The following CTNNA3 variants were observed in gnomAD, a reference collection of about 807,000 sequenced individuals.
CTNNA3 encodes catenin alpha-3.
Under a neutral mutation model 95.7 loss-of-function variants are expected in CTNNA3, and 76 were observed. That is an observed-to-expected ratio of 0.79 (90% confidence interval 0.66 to 0.96). The LOEUF (loss-of-function observed/expected upper bound fraction) is 0.96. Ranked by LOEUF, CTNNA3 falls within the 40% of genes least tolerant of loss-of-function variation. The pLI is 0.00. For synonymous variants in CTNNA3, 431 were observed against 374.4 expected (o/e 1.15, Z -1.74); for missense variants, 1,191 against 1,089.8 (o/e 1.09, Z -1.31).
chr10:66,929,962 G>T (rs1190670613), intron 7 of CTNNA3, among the ~76,000 whole-genome samples: 2 of 152,092 alleles, frequency 1.3e-5, no homozygotes, highest in African/African-American at 4.8e-5. Context: ...CATTTAATTT[G>T]GCTTGCCAAC....
chr10:67,285,666 A>G (rs1839568705), intron 5 of CTNNA3, among the ~76,000 whole-genome samples: 1 of 152,254 alleles, frequency 6.6e-6, no homozygotes, highest in African/African-American at 2.4e-5. Flanking sequence ...GAGAAAATCC[A>G]TTCTATATAA....
At chr10:65,922,126 T>A (rs1301870043) in intron 17 of CTNNA3, among the ~76,000 whole-genome samples, 1 of 152,124 alleles carries the variant, frequency 6.6e-6, no homozygotes, top group East Asian at 1.9e-4. Flanking sequence ...CTACCTTGCG[T>A]TTTTTCTCAT....
At chr10:67,371,337 G>A (rs1317846020) in intron 5 of CTNNA3, among the ~76,000 whole-genome samples, 11 of 150,826 alleles carry the variant, frequency 7.3e-5, no homozygotes, top group South Asian at 6.3e-4. Context: ...CCATTAACTC[G>A]TCATTTACAT....
intron 7 of CTNNA3, among the ~76,000 whole-genome samples, chr10:67,109,441 G>C (rs1858806513): frequency 6.6e-6 from 1 of 152,080 alleles, no homozygotes; most frequent in African/African-American, 2.4e-5. Flanking sequence ...TTGTGCTTAT[G>C]GCACTTTTTA....
intron 13 of CTNNA3, among the ~76,000 whole-genome samples, chr10:66,270,490 G>A (rs1457459871): frequency 6.6e-6 from 1 of 152,156 alleles, no homozygotes; most frequent in Non-Finnish European, 1.5e-5. Flanking sequence ...ATAGATATAA[G>A]CCACTGTACC....
intron 7 of CTNNA3, among the ~76,000 whole-genome samples, chr10:66,853,854 AC>A (rs1040854720): frequency 6.6e-6 from 1 of 152,090 alleles, no homozygotes; most frequent in African/African-American, 2.4e-5. Flanking sequence ...TAAGTATGCT[AC>A]ATGCATTAGT....
At chr10:67,314,620 G>A (rs1019623297) in intron 5 of CTNNA3, among the ~76,000 whole-genome samples, 1 of 152,068 alleles carries the variant, frequency 6.6e-6, no homozygotes, top group Non-Finnish European at 1.5e-5. Flanking sequence ...AGAGTAAAAT[G>A]TTCTGCATTT....
intron 5 of CTNNA3, among the ~76,000 whole-genome samples, chr10:67,487,552 T>C (rs564602210): frequency 2.0e-5 from 3 of 152,174 alleles, no homozygotes; most frequent in Non-Finnish European, 4.4e-5. Flanking sequence ...CAAGGACTAT[T>C]TTCAGGAACA....
intron 5 of CTNNA3, among the ~76,000 whole-genome samples, chr10:67,260,716 C>T (rs1404041854): frequency 3.3e-5 from 5 of 151,418 alleles, no homozygotes; most frequent in African/African-American, 4.9e-5. Context: ...TGGAGTTTCA[C>T]TCTTGTTGCC....
intron 1 of CTNNA3, among the ~76,000 whole-genome samples, chr10:67,709,760 C>A (rs1589577690): frequency 6.6e-6 from 1 of 152,054 alleles, no homozygotes; most frequent in East Asian, 1.9e-4. Flanking sequence ...ATGTTTCTTC[C>A]TGGTAATTTT....
chr10:67,175,591 C>T (rs777671831), intron 7 of CTNNA3, among the ~76,000 whole-genome samples: 8 of 152,098 alleles, frequency 5.3e-5, no homozygotes, highest in Non-Finnish European at 7.4e-5. Context: ...GATGAGAGGT[C>T]CAGAAATGCA....
chr10:65,927,553 T>C (rs960260791), intron 17 of CTNNA3, among the ~76,000 whole-genome samples: 6 of 152,196 alleles, frequency 3.9e-5, no homozygotes, highest in East Asian at 1.9e-4. Flanking sequence ...TGGAATTCTA[T>C]GGTATGTAAT....
At chr10:67,080,093 C>T (rs1856972904) in intron 7 of CTNNA3, among the ~76,000 whole-genome samples, 1 of 152,056 alleles carries the variant, frequency 6.6e-6, no homozygotes, top group Non-Finnish European at 1.5e-5. Flanking sequence ...GCAGGGAGGG[C>T]ATGGCAAGAA....
intron 5 of CTNNA3, among the ~76,000 whole-genome samples, chr10:67,479,560 C>A (rs1564678969): frequency 6.6e-6 from 1 of 151,988 alleles, no homozygotes; most frequent in South Asian, 2.1e-4. Flanking sequence ...AAAACAGAGA[C>A]ACAACATCCA....
At chr10:67,138,381 G>T (rs1299829943) in intron 7 of CTNNA3, among the ~76,000 whole-genome samples, 1 of 152,158 alleles carries the variant, frequency 6.6e-6, no homozygotes, top group Admixed American at 6.5e-5. Flanking sequence ...AAATCATACT[G>T]TTCAGTAGAT....
intron 12 of CTNNA3, among the ~76,000 whole-genome samples, chr10:66,360,620 TTTC>T (rs2092648742): frequency 5.7e-5 from 2 of 35,168 alleles, no homozygotes; most frequent in Non-Finnish European, 1.2e-4. Context: ...TCTTTCTTTC[TTTC>T]TTTCTTTCTT....
chr10:67,118,707 A>G (rs1326333342), intron 7 of CTNNA3, among the ~76,000 whole-genome samples: 1 of 151,874 alleles, frequency 6.6e-6, no homozygotes, highest in Non-Finnish European at 1.5e-5. Flanking sequence ...TAAAAATGAT[A>G]TTAATAAAAA....
At chr10:66,483,713 A>AC (rs1554973037) in intron 11 of CTNNA3, among the ~76,000 whole-genome samples, 1 of 152,100 alleles carries the variant, frequency 6.6e-6, no homozygotes, top group Non-Finnish European at 1.5e-5. Context: ...ATTCTTGCAT[A>AC]TGTTATAGAT....
intron 5 of CTNNA3, among the ~76,000 whole-genome samples, chr10:67,404,050 T>C (rs963709263): frequency 6.6e-6 from 1 of 151,714 alleles, no homozygotes; most frequent in Non-Finnish European, 1.5e-5. Flanking sequence ...CATCCAAAGG[T>C]CAACAACCTC....
Sources: gnomAD v4.1 joint callset for allele counts (sites outside exome capture counted in the v4.1 genomes callset) on GRCh38, gnomAD v4.1.1 for gene constraint, MANE v1.5 for transcripts, NCBI Gene and HGNC (gene_info 2026-07-23, HGNC 2026-07-21) for gene names.